ARHGAP32: variants seen among roughly 807,000 people sequenced by gnomAD.
ARHGAP32 encodes rho GTPase-activating protein 32.
ARHGAP32 carries 51 observed loss-of-function variants against 186.5 expected under a neutral mutation model. The observed-to-expected ratio is 0.27, with a 90% CI of 0.22 to 0.35. The LOEUF (loss-of-function observed/expected upper bound fraction) is 0.35. Ranked by LOEUF, ARHGAP32 falls within the 10% of genes least tolerant of loss-of-function variation. The pLI is 1.00. For missense variants in ARHGAP32, 2,186 were observed against 2,623.5 expected, an observed-to-expected ratio of 0.83 and a Z score of 3.64; for synonymous variants, 950 against 964.3, an observed-to-expected ratio of 0.99 and a Z score of 0.27.
intron 11 of ARHGAP32, among the ~76,000 whole-genome samples, chr11:129,021,361 A>C (rs576536158): frequency 6.6e-6 from 1 of 152,218 alleles, no homozygotes; most frequent in African/African-American, 2.4e-5. Flanking sequence ...GTTGAATGGC[A>C]TACCAATGGT....
chr11:129,044,830 C>T (rs569133534), intron 10 of ARHGAP32, among the ~76,000 whole-genome samples: 4 of 152,054 alleles, frequency 2.6e-5, no homozygotes, highest in South Asian at 4.2e-4. Flanking sequence ...ACTACCTATA[C>T]CTCAAAGAGT....
At chr11:129,159,702 T>G (rs990376086) in intron 2 of ARHGAP32, among the ~76,000 whole-genome samples, 2 of 152,130 alleles carry the variant, frequency 1.3e-5, no homozygotes, top group Non-Finnish European at 2.9e-5. Flanking sequence ...AAAGAGGGAC[T>G]CGTCCCTAAC....
At chr11:129,197,950 T>C (rs1210548037) in intron 1 of ARHGAP32, among the ~76,000 whole-genome samples, 1 of 152,178 alleles carries the variant, frequency 6.6e-6, no homozygotes, top group Admixed American at 6.5e-5. Flanking sequence ...GAAACAATTC[T>C]TATGCATACT....
Position 129,236,213 on chromosome 11 carries a change from T to G in ARHGAP32, c.-5+42933A>C, listed in dbSNP as rs75564235. ...CAGTGTAAAACTGTTCCCTTTTCAC[T>G]GCATCCACGTCAACATCTATTATTT... On this transcript the variant is annotated intron_variant, in intron 1 of 6. Transcript: ENST00000525234. Among the ~76,000 whole-genome samples, 440 of 152,278 alleles carry G rather than the reference T, an allele frequency of 2.9e-3. 2 individuals are homozygous for G. The highest frequency in any genetic ancestry group is 0.017 in the East Asian group (88 of 5,186).
At chr11:129,272,674 A>C (rs1457715655) in intron 1 of ARHGAP32, among the ~76,000 whole-genome samples, 2 of 152,216 alleles carry the variant, frequency 1.3e-5, no homozygotes, top group East Asian at 3.8e-4. Context: ...AAGTAACAAA[A>C]GGCATGGATG....
intron 6 of ARHGAP32, among the ~76,000 whole-genome samples, chr11:129,087,112 G>C (rs952461038): frequency 6.6e-6 from 1 of 152,188 alleles, no homozygotes; most frequent in Non-Finnish European, 1.5e-5. Flanking sequence ...CAAGGATGTA[G>C]AGCAACAGGA....
upstream of ARHGAP32, among the ~76,000 whole-genome samples, chr11:129,193,595 T>TTATATATAATATATAATATATTATATAA (rs1944327255): frequency 1.6e-5 from 1 of 64,336 alleles, no homozygotes; most frequent in Non-Finnish European, 2.7e-5. Flanking sequence ...ATAATATATG[T>TTATATATAATATATAATATATTATATAA]TATATATAAT....
chr11:129,072,011 C>T (rs890720459), intron 6 of ARHGAP32, among the ~76,000 whole-genome samples: 3 of 152,076 alleles, frequency 2.0e-5, no homozygotes, highest in Non-Finnish European at 4.4e-5. Context: ...CAACTGAATT[C>T]ATAGAAGCAG....
intron 2 of ARHGAP32, among the ~76,000 whole-genome samples, chr11:129,126,830 C>T (rs1365630107): frequency 6.6e-6 from 1 of 152,090 alleles, no homozygotes; most frequent in African/African-American, 2.4e-5. Context: ...ACCTGGATCA[C>T]CTGGTTTTGC....
intron 6 of ARHGAP32, among the ~76,000 whole-genome samples, chr11:129,087,595 G>T (rs1486642440): frequency 6.6e-6 from 1 of 152,176 alleles, no homozygotes; most frequent in Non-Finnish European, 1.5e-5. Context: ...AGAGAAAAGG[G>T]AAAGATGAAT....
upstream of ARHGAP32, among the ~76,000 whole-genome samples, chr11:129,193,680 T>TAC (rs1944341601): frequency 2.1e-5 from 1 of 47,378 alleles, no homozygotes; most frequent in Non-Finnish European, 3.9e-5. Context: ...ATATAATATA[T>TAC]AATATATATT....
At chr11:129,266,780 C>T (rs1355798774) in intron 1 of ARHGAP32, among the ~76,000 whole-genome samples, 1 of 152,162 alleles carries the variant, frequency 6.6e-6, no homozygotes, top group Non-Finnish European at 1.5e-5. Flanking sequence ...ACCATGGGGC[C>T]AGCTATGCTA....
chr11:129,217,003 A>G lies in ARHGAP32; in HGVS notation c.-4-52576T>C, dbSNP rs545830342. On this transcript the variant is annotated intron_variant, in intron 1 of 6. Coordinates refer to the ARHGAP32 transcript ENST00000525234. ...CTCTGTTTATTGAGCATAAAGTTAAATATATTTTAACTAAATATACCTCAC... is the reference window on the plus strand; with the variant it reads ...CTCTGTTTATTGAGCATAAAGTTAAGTATATTTTAACTAAATATACCTCAC... Among the ~76,000 whole-genome samples the G allele has an allele frequency of 3.9e-3, 589 of 152,258 alleles. 2 individuals carry two copies. The highest frequency in any genetic ancestry group is 0.014 in the African/African-American group (563 of 41,558).
chr11:128,978,132 C>T (rs192074194), intron 19 of ARHGAP32, among the ~76,000 whole-genome samples: 8 of 152,190 alleles, frequency 5.3e-5, no homozygotes, highest in African/African-American at 1.9e-4. Flanking sequence ...TCTGCAGAGC[C>T]TGCTATCAAA....
chr11:129,162,830 C>T (rs1161114399), intron 2 of ARHGAP32, among the ~76,000 whole-genome samples: 3 of 152,064 alleles, frequency 2.0e-5, no homozygotes. Flanking sequence ...CTGAGAATCA[C>T]AAGTAATCAC....
At chr11:129,070,828 A>T (rs987647248) in intron 6 of ARHGAP32, among the ~76,000 whole-genome samples, 1 of 151,880 alleles carries the variant, frequency 6.6e-6, no homozygotes, top group African/African-American at 2.4e-5. Context: ...TGACTTAAAA[A>T]TTTTCCAGTA....
At chr11:129,218,162 C>A (rs1451316625) in intron 1 of ARHGAP32, among the ~76,000 whole-genome samples, 3 of 152,178 alleles carry the variant, frequency 2.0e-5, no homozygotes, top group Admixed American at 6.6e-5. Context: ...AATATCATTT[C>A]ATGACTTTAA....
intron 6 of ARHGAP32, among the ~76,000 whole-genome samples, chr11:129,068,701 C>T (rs1940777391): frequency 6.6e-6 from 1 of 151,914 alleles, no homozygotes; most frequent in Non-Finnish European, 1.5e-5. Context: ...GTATGAATTG[C>T]CTATTACTAC....
chr11:129,110,328 T>C (rs1942173368), intron 5 of ARHGAP32, among the ~76,000 whole-genome samples: 1 of 152,192 alleles, frequency 6.6e-6, no homozygotes, highest in African/African-American at 2.4e-5. Flanking sequence ...AATACCATTC[T>C]GTTCAGGTTA....
Sources: allele counts gnomAD v4.1 joint callset (sites outside exome capture counted in the v4.1 genomes callset), GRCh38; gene constraint gnomAD v4.1.1; transcripts MANE v1.5; gene names NCBI Gene and HGNC (gene_info 2026-07-23, HGNC 2026-07-21).